The following CARMIL1 variants were observed in gnomAD, a reference collection of about 807,000 sequenced individuals.
The protein encoded by CARMIL1 is F-actin-uncapping protein LRRC16A.
In CARMIL1, 90 loss-of-function variants were observed where a neutral mutation model predicts 177.1. The observed-to-expected ratio is 0.51, with a 90% CI of 0.43 to 0.61. CARMIL1 has a LOEUF of 0.61. Among genes scored for constraint, CARMIL1 ranks in the 20% least tolerant of loss-of-function variants. CARMIL1 has a pLI of 0.00. For missense variants in CARMIL1, 1,380 were observed against 1,667.0 expected (o/e 0.83, Z 3.00); for synonymous variants, 577 against 606.2 (o/e 0.95, Z 0.71).
chr6:25,317,275 T>C (rs7743750), intron 2 of CARMIL1, among the ~76,000 whole-genome samples: 28,045 of 151,918 alleles, frequency 0.18, 3,766 homozygotes, highest in East Asian at 0.39. Context: ...GGACTATAGG[T>C]GTGCATTACT....
At chr6:25,434,995 A>G (rs550178843) in intron 4 of CARMIL1, among the ~76,000 whole-genome samples, 1 of 152,256 alleles carries the variant, frequency 6.6e-6, no homozygotes, top group East Asian at 1.9e-4. Flanking sequence ...GGGTACCCAC[A>G]GAAAGATATA....
intron 29 of CARMIL1, among the ~76,000 whole-genome samples, chr6:25,576,583 G>T (rs552387374): frequency 2.9e-4 from 44 of 152,306 alleles, no homozygotes; most frequent in African/African-American, 1.1e-3. Flanking sequence ...CTTGCATGGG[G>T]TTCTTTAACA....
intron 2 of CARMIL1, among the ~76,000 whole-genome samples, chr6:25,293,470 C>T (rs529177654): frequency 3.5e-4 from 53 of 152,036 alleles, no homozygotes; most frequent in African/African-American, 9.2e-4. Context: ...ACCGCAGCCT[C>T]GATATCCTGG....
At chr6:25,281,376 A>G (rs1010607196) in intron 1 of CARMIL1, among the ~76,000 whole-genome samples, 1 of 152,048 alleles carries the variant, frequency 6.6e-6, no homozygotes, top group South Asian at 2.1e-4. Flanking sequence ...TCAGGGGATA[A>G]GGATGGCTAA....
intron 12 of CARMIL1, among the ~76,000 whole-genome samples, chr6:25,484,064 A>G (rs1232178481): frequency 6.6e-6 from 1 of 152,042 alleles, no homozygotes; most frequent in Non-Finnish European, 1.5e-5. Flanking sequence ...GGCTGCTTCT[A>G]TCTCACTTTC....
intron 31 of CARMIL1, among the ~76,000 whole-genome samples, chr6:25,584,737 ATT>A (rs966337419): frequency 6.6e-6 from 1 of 152,152 alleles, no homozygotes; most frequent in African/African-American, 2.4e-5. Flanking sequence ...CTTCAGAGAC[ATT>A]TCTTTTATCT....
intron 26 of CARMIL1, among the ~76,000 whole-genome samples, chr6:25,545,165 T>C (rs1259785524): frequency 6.6e-6 from 1 of 152,178 alleles, no homozygotes; most frequent in Non-Finnish European, 1.5e-5. Context: ...ACAGAGGCAC[T>C]AAACTAGAAG....
chr6:25,494,069 T>C (rs1446318962), intron 15 of CARMIL1, among the ~76,000 whole-genome samples: 1 of 149,874 alleles, frequency 6.7e-6, no homozygotes, highest in Non-Finnish European at 1.5e-5. Flanking sequence ...TTTTCCCAGA[T>C]CTCTATACAT....
chr6:25,565,305 G>C (rs1167155362), intron 29 of CARMIL1, among the ~76,000 whole-genome samples: 5 of 152,178 alleles, frequency 3.3e-5, no homozygotes, highest in African/African-American at 1.2e-4. Flanking sequence ...TGTAAGATGG[G>C]CTAGGTTTTT....
chr6:25,551,082 T>C lies in CARMIL1; in HGVS notation c.2501T>C (p.Ile834Thr). The change falls in exon 27 of 37, where the codon ATT (isoleucine) becomes ACT (threonine). Residue 834 changes from isoleucine (I) to threonine (T), a missense_variant. Ile to Thr is a moderately conservative substitution (Grantham distance 89). Coordinates refer to ENST00000329474, the MANE Select transcript of CARMIL1 (RefSeq NM_017640.6). ...TCTGGAATTGATATCCTTAACAAAA[T>C]TAGGTAGGTTTATAATGTTAATAAA... ...EQSGIDILNK[I>T]SEVKLTVASF... The C allele has an allele frequency of 6.2e-7, 1 of 1,611,756 alleles. No individual in the cohort carries two copies. The highest frequency in any genetic ancestry group is 1.1e-5 in the South Asian group (1 of 90,806).
At chr6:25,367,813 C>A (rs537084864) in intron 2 of CARMIL1, among the ~76,000 whole-genome samples, 1 of 152,266 alleles carries the variant, frequency 6.6e-6, no homozygotes, top group African/African-American at 2.4e-5. Context: ...GGCTGGAGTG[C>A]AGTGGCATGA....
At chr6:25,307,014 G>A (rs1315156079) in intron 2 of CARMIL1, among the ~76,000 whole-genome samples, 1 of 151,792 alleles carries the variant, frequency 6.6e-6, no homozygotes, top group Admixed American at 6.6e-5. Flanking sequence ...GAGTAGCTTG[G>A]CTTACAGGCG....
At chr6:25,479,924 T>A (rs945021205) in intron 11 of CARMIL1, among the ~76,000 whole-genome samples, 16 of 152,148 alleles carry the variant, frequency 1.1e-4, no homozygotes, top group African/African-American at 3.9e-4. Context: ...TAGAAATATA[T>A]TGCTTAAGTT....
At chr6:25,445,425 A>G (rs1030096798) in intron 5 of CARMIL1, among the ~76,000 whole-genome samples, 4 of 152,160 alleles carry the variant, frequency 2.6e-5, no homozygotes, top group Non-Finnish European at 5.9e-5. Context: ...GAATGTTCTC[A>G]ATGGCATCTA....
intron 2 of CARMIL1, among the ~76,000 whole-genome samples, chr6:25,368,713 T>C (rs1429245586): frequency 6.6e-6 from 1 of 152,218 alleles, no homozygotes. Context: ...CTTGTCTACC[T>C]TTCAGAAATG....
At chr6:25,379,042 A>G (rs1209305) in intron 2 of CARMIL1, among the ~76,000 whole-genome samples, 133,145 of 152,160 alleles carry the variant, frequency 0.88, 58,594 homozygotes, top group African/African-American at 0.96. Flanking sequence ...AAAACTTTAA[A>G]TCTCGGTTTT....
At chr6:25,333,465 C>T (rs1444981032) in intron 2 of CARMIL1, among the ~76,000 whole-genome samples, 7 of 152,166 alleles carry the variant, frequency 4.6e-5, no homozygotes, top group Non-Finnish European at 4.4e-5. Context: ...ACTTGGGAGG[C>T]TGAGGCAGGG....
At chr6:25,488,611 C>G (rs1457526681) in intron 13 of CARMIL1, 26 bp downstream of exon 13, 1 of 1,539,004 alleles carries the variant, frequency 6.5e-7, no homozygotes, top group African/African-American at 1.4e-5. Context: ...TTTATTCCAT[C>G]TTCGAAGAAG....
intron 1 of CARMIL1, among the ~76,000 whole-genome samples, chr6:25,282,270 T>C (rs1158601777): frequency 6.6e-6 from 1 of 152,178 alleles, no homozygotes; most frequent in African/African-American, 2.4e-5. Context: ...CATGTGTATA[T>C]GTTCTTAAGT....
Sources: allele counts gnomAD v4.1 joint callset (sites outside exome capture counted in the v4.1 genomes callset), GRCh38; gene constraint gnomAD v4.1.1; transcripts MANE v1.5; gene names NCBI Gene and HGNC (gene_info 2026-07-23, HGNC 2026-07-21).